Variants in GBA1 observed in about 807,000 individuals in gnomAD.
GBA1 encodes the protein glucosylceramidase beta 1.
At chr1:155,240,793 C>G in the GBA1 span, 1 of 1,338,788 alleles carries the variant, frequency 7.5e-7, no homozygotes, top group Admixed American at 1.7e-5. Flanking sequence ...CAGGGCTTAG[C>G]TGCCTTTGGG....
chr1:155,242,157 G>C, the GBA1 span, among the ~76,000 whole-genome samples: 1 of 152,204 alleles, frequency 6.6e-6, no homozygotes, highest in African/African-American at 2.4e-5. Flanking sequence ...TGCAGTCAGT[G>C]AGGTAAGTGC....
At chr1:155,240,183 G>A in the GBA1 span, 1 of 1,052,332 alleles carries the variant, frequency 9.5e-7, no homozygotes, top group South Asian at 1.4e-5. Flanking sequence ...TCACCCCTTG[G>A]CCGGGCGCAG....
chr1:155,235,579 C>G, the GBA1 span: 22 of 1,338,274 alleles, frequency 1.6e-5, no homozygotes, highest in Non-Finnish European at 2.2e-5. Context: ...AGGTTCCACC[C>G]TGAACACCTT....
At chr1:155,240,152 T>C in the GBA1 span, 1 of 1,400,302 alleles carries the variant, frequency 7.1e-7, no homozygotes, top group Non-Finnish European at 1.0e-6. Context: ...TAGGAGAGAC[T>C]GAACACGGTT....
the GBA1 span, chr1:155,237,634 G>T: frequency 1.2e-6 from 2 of 1,603,448 alleles, no homozygotes; most frequent in Non-Finnish European, 8.5e-7. Flanking sequence ...AGACCAGCTG[G>T]GTGTGGTGGC....
chr1:155,241,470 G>A, the GBA1 span, among the ~76,000 whole-genome samples: 1 of 152,120 alleles, frequency 6.6e-6, no homozygotes, highest in African/African-American at 2.4e-5. Flanking sequence ...CTAAATCCCA[G>A]AGGATGGGAA....
the GBA1 span, chr1:155,238,612 A>T: frequency 6.2e-7 from 1 of 1,613,706 alleles, no homozygotes; most frequent in Admixed American, 1.7e-5. Flanking sequence ...GAGAAGTCAC[A>T]GCTGGCCATG....
chr1:155,244,216 G>A, the GBA1 span: 2,453 of 152,198 alleles, frequency 0.016, 28 homozygotes, highest in Non-Finnish European at 0.026. Flanking sequence ...TGACCAACAT[G>A]GTGAAACCCC....
At chr1:155,242,513 C>T in the GBA1 span, among the ~76,000 whole-genome samples, 4 of 151,930 alleles carry the variant, frequency 2.6e-5, no homozygotes, top group East Asian at 1.9e-4. Context: ...TGAGCCACTG[C>T]GCTGGACCCC....
At chr1:155,243,537 G>T in the GBA1 span, among the ~76,000 whole-genome samples, 1 of 152,036 alleles carries the variant, frequency 6.6e-6, no homozygotes, top group South Asian at 2.1e-4. Flanking sequence ...CTTGATTTCG[G>T]CTCAGTGCAA....
chr1:155,236,367 G>T, the GBA1 span: 1 of 1,614,156 alleles, frequency 6.2e-7, no homozygotes. Flanking sequence ...GGGAACAGGC[G>T]GTGTGTCTCC....
chr1:155,240,996 G>A, the GBA1 span: 1 of 1,259,690 alleles, frequency 7.9e-7, no homozygotes, highest in South Asian at 1.2e-5. Context: ...TGATGGCCCT[G>A]GATTCAAAGA....
At chr1:155,236,616 G>A in the GBA1 span, 43 of 711,150 alleles carry the variant, frequency 6.0e-5, no homozygotes, top group Non-Finnish European at 1.1e-4. Flanking sequence ...GAGACAGGAT[G>A]TCACTCTGTC....
At chr1:155,240,245 C>A in the GBA1 span, 18 of 646,914 alleles carry the variant, frequency 2.8e-5, no homozygotes, top group Non-Finnish European at 4.1e-5. Flanking sequence ...GGGCGGATCA[C>A]CTGAGGTGAG....
the GBA1 span, chr1:155,238,951 G>A: frequency 2.5e-6 from 1 of 402,600 alleles, no homozygotes; most frequent in Non-Finnish European, 4.7e-6. Flanking sequence ...AGTGTCAGTG[G>A]CTCACGCATG....
At chr1:155,240,777 C>A in the GBA1 span, 1 of 1,441,714 alleles carries the variant, frequency 6.9e-7, no homozygotes, top group Non-Finnish European at 9.8e-7. Flanking sequence ...CAACTACTCT[C>A]CTGGGCAGGG....
At chr1:155,239,733 T>C in the GBA1 span, 1 of 1,613,996 alleles carries the variant, frequency 6.2e-7, no homozygotes, top group Non-Finnish European at 8.5e-7. Flanking sequence ...TTCTGGAACT[T>C]CTGTTCTGGC....
chr1:155,238,665 G>A, the GBA1 span: 2 of 1,613,682 alleles, frequency 1.2e-6, no homozygotes, highest in Non-Finnish European at 1.7e-6. Flanking sequence ...AGAAAAGGAT[G>A]ATCAAGATAT....
chr1:155,235,794 G>T, the GBA1 span: 1 of 1,614,238 alleles, frequency 6.2e-7, no homozygotes, highest in African/African-American at 1.3e-5. Context: ...CTCCTTCGGG[G>T]TTCAGGGCAA....
Sources: allele counts gnomAD v4.1 joint callset (sites outside exome capture counted in the v4.1 genomes callset), GRCh38; gene constraint gnomAD v4.1.1; transcripts MANE v1.5; gene names NCBI Gene and HGNC (gene_info 2026-07-23, HGNC 2026-07-21).